The following LRP1B variants were observed in gnomAD, a reference collection of about 807,000 sequenced individuals.
LRP1B encodes the protein LDL receptor related protein 1B, also known as low-density lipoprotein receptor-related protein 1B.
A neutral mutation model predicts 556.6 loss-of-function variants in LRP1B; 217 were observed. The ratio of observed to expected loss-of-function variants is 0.39; its 90% CI spans 0.35 to 0.44. LRP1B has a LOEUF of 0.44. Among genes scored for constraint, LRP1B ranks in the 20% least tolerant of loss-of-function variants. The pLI is 1.00. For missense variants in LRP1B, 5,053 were observed against 5,620.8 expected (o/e 0.90, Z 3.23); for synonymous variants, 2,047 against 1,865.8 (o/e 1.10, Z -2.50).
chr2:141,829,112 A>T (rs1452468268), intron 1 of LRP1B, among the ~76,000 whole-genome samples: 1 of 152,072 alleles, frequency 6.6e-6, no homozygotes, highest in Non-Finnish European at 1.5e-5. Context: ...TATTTATATT[A>T]TTACTAAAAT....
intron 66 of LRP1B, among the ~76,000 whole-genome samples, chr2:140,435,613 T>C (rs1273241999): frequency 6.6e-6 from 1 of 152,108 alleles, no homozygotes; most frequent in Non-Finnish European, 1.5e-5. Context: ...GTAGGCTCCT[T>C]TTTAGCTTTG....
At chr2:141,590,276 T>C (rs757956958) in intron 2 of LRP1B, among the ~76,000 whole-genome samples, 3 of 152,170 alleles carry the variant, frequency 2.0e-5, no homozygotes, top group Non-Finnish European at 2.9e-5. Context: ...ATGAACTAAA[T>C]TGTGTTTGCC....
chr2:141,829,187 C>T lies in LRP1B; in HGVS notation c.83-18786G>A, dbSNP rs1697031800. ...ATTTCTAGTCTCTGAGTTAACAAGACAGTTTGAACACTTCTGTGTTTCCAC... is the reference window on the plus strand; with the variant it reads ...ATTTCTAGTCTCTGAGTTAACAAGATAGTTTGAACACTTCTGTGTTTCCAC... On this transcript the variant is annotated intron_variant, in intron 1 of 90. Transcript: ENST00000389484. Among the ~76,000 whole-genome samples, 3 of 152,180 alleles carry T rather than the reference C, an allele frequency of 2.0e-5. No individual in the cohort carries two copies. The South Asian group carries it at 6.2e-4, about 32-fold the overall frequency.
chr2:140,890,449 T>G (rs1244299616), intron 23 of LRP1B, among the ~76,000 whole-genome samples: 1 of 152,168 alleles, frequency 6.6e-6, no homozygotes, highest in Non-Finnish European at 1.5e-5. Context: ...ACAATGACCT[T>G]TACATTGAGT....
chr2:141,180,465 G>T (rs1339743259), intron 7 of LRP1B, among the ~76,000 whole-genome samples: 14 of 151,844 alleles, frequency 9.2e-5, no homozygotes, highest in Admixed American at 8.6e-4. Context: ...AAGTAAGAAA[G>T]CTTTCAAGGT....
chr2:142,020,803 G>C (rs1294377571), intron 1 of LRP1B, among the ~76,000 whole-genome samples: 1 of 152,178 alleles, frequency 6.6e-6, no homozygotes, highest in Non-Finnish European at 1.5e-5. Context: ...TCAAGATCAA[G>C]GGTGGTCATA....
At chr2:140,300,948 T>C (rs2105007075) in intron 83 of LRP1B, among the ~76,000 whole-genome samples, 1 of 152,228 alleles carries the variant, frequency 6.6e-6, no homozygotes, top group South Asian at 2.1e-4. Context: ...TAGGACTTAT[T>C]CTGTGGTTAT....
rs533764320 is a variant in LRP1B, at chr2:140,527,868, G to A, written c.7763-1518C>T. Among the ~76,000 whole-genome samples the A allele has an allele frequency of 3.3e-5, 5 of 151,860 alleles. 1 individual carries two copies. The highest frequency in any genetic ancestry group is 4.2e-4 in the South Asian group (2 of 4,810). On this transcript the variant is annotated intron_variant, in intron 47 of 90. Coordinates refer to ENST00000389484, the MANE Select transcript of LRP1B (RefSeq NM_018557.3). ...AGTAGTTTCTTACTAACTTTGTTCC[G>A]AAAGATTGCTTATAATCTCTTTTTA... is the stretch of plus-strand genomic sequence containing the variant.
intron 25 of LRP1B, among the ~76,000 whole-genome samples, chr2:140,883,537 T>C (rs183034416): frequency 1.7e-3 from 258 of 149,526 alleles, no homozygotes; most frequent in Middle Eastern, 3.5e-3. Context: ...TAGCTTCCAA[T>C]AGGGCCTAAT....
At chr2:140,528,667 T>C (rs1690546595) in intron 47 of LRP1B, among the ~76,000 whole-genome samples, 1 of 151,758 alleles carries the variant, frequency 6.6e-6, no homozygotes, top group Non-Finnish European at 1.5e-5. Flanking sequence ...ACCAGAGAGT[T>C]AGACAGGGTG....
chr2:141,049,162 A>G lies in LRP1B; in HGVS notation c.1613T>C (p.Met538Thr), dbSNP rs2105446122. ...GKGRPGIVRG[M>T]DLNTKIADEY... ...ATCAGCTATCTTGGTATTCAAGTCC[A>G]TTCCTCTAACAATTCCTGGGCGTCC... The change falls in exon 11 of 91, where the codon ATG becomes ACG. Residue 538 changes from methionine (M) to threonine (T), a missense_variant. Physicochemically the swap from Met to Thr is moderately conservative, Grantham distance 81. This residue lies in a region of LRP1B where 3,619 missense variants were observed against 3,931.9 expected (regional missense o/e 0.92). Coordinates refer to ENST00000389484, the MANE Select transcript of LRP1B (RefSeq NM_018557.3). The G allele has an allele frequency of 1.2e-6, 2 of 1,613,604 alleles. No homozygotes were observed. The highest frequency in any genetic ancestry group is 1.7e-6 in the Non-Finnish European group (2 of 1,179,708).
Position 140,444,663 on chromosome 2 carries a change from C to A in LRP1B, c.10074G>T (p.Gln3358His). ...EPDDCPEFRCQPGRFQCGTGL... is the reference protein window; with the variant it reads ...EPDDCPEFRCHPGRFQCGTGL... ...CAGTCCCACACTGAAATCGGCCTGG[C>A]TGACATCTAAATTCAGCTAGGGGAG... is the stretch of plus-strand genomic sequence containing the variant. The change falls in exon 64 of 91, where the codon CAG (glutamine) becomes CAT (histidine). Residue 3358 changes from glutamine (Q) to histidine (H), a missense_variant. Physicochemically the swap from Gln to His is conservative, Grantham distance 24 (BLOSUM62 0). Around this residue, in one of 5 missense-constraint regions of LRP1B, gnomAD observed 262 missense variants for 395.1 expected, o/e 0.66. Transcript: ENST00000389484. 1 of 1,612,798 alleles carries A rather than the reference C, an allele frequency of 6.2e-7. No homozygotes were observed. Among genetic ancestry groups the A allele is most frequent in the Non-Finnish European group, 8.5e-7 (1 of 1,178,958 alleles).
intron 7 of LRP1B, among the ~76,000 whole-genome samples, chr2:141,136,028 TAA>T (rs1388177162): frequency 4.0e-5 from 6 of 151,890 alleles, no homozygotes; most frequent in Admixed American, 3.9e-4. Flanking sequence ...TGGACTATAT[TAA>T]TTGTTACTGA....
chr2:140,430,706 GTCT>G (rs1685893465), intron 66 of LRP1B, among the ~76,000 whole-genome samples: 1 of 152,132 alleles, frequency 6.6e-6, no homozygotes. Flanking sequence ...ATTCTATTCT[GTCT>G]TCATTTCATA....
chr2:141,307,042 T>A (rs1292847623), intron 3 of LRP1B, among the ~76,000 whole-genome samples: 1 of 152,188 alleles, frequency 6.6e-6, no homozygotes, highest in Non-Finnish European at 1.5e-5. Context: ...ATCTGGAGAA[T>A]GTTCCACATG....
intron 3 of LRP1B, among the ~76,000 whole-genome samples, chr2:141,380,124 C>T (rs1689581595): frequency 6.6e-6 from 1 of 151,906 alleles, no homozygotes; most frequent in Non-Finnish European, 1.5e-5. Context: ...TGTTGAGATC[C>T]AGCACTCACT....
At chr2:140,583,378 G>A (rs976575143) in intron 43 of LRP1B, among the ~76,000 whole-genome samples, 2 of 151,588 alleles carry the variant, frequency 1.3e-5, no homozygotes, top group African/African-American at 2.4e-5. Flanking sequence ...GTTTCACCAC[G>A]CTGGCCAGGC....
intron 2 of LRP1B, among the ~76,000 whole-genome samples, chr2:141,549,962 T>G (rs34185323): frequency 0.33 from 50,324 of 152,104 alleles, 9,544 homozygotes; most frequent in Non-Finnish European, 0.43. Flanking sequence ...GCCACTGCGC[T>G]CCAGACTGGG....
At chr2:141,604,345 T>C (rs766036387) in intron 2 of LRP1B, among the ~76,000 whole-genome samples, 12 of 152,156 alleles carry the variant, frequency 7.9e-5, no homozygotes, top group Non-Finnish European at 1.3e-4. Flanking sequence ...GCAAGCTCTG[T>C]GTACAGAGGA....
Sources: gnomAD v4.1 joint callset for allele counts (sites outside exome capture counted in the v4.1 genomes callset) on GRCh38, gnomAD v4.1.1 for gene constraint, gnomAD v4.1.1 regional missense constraint, MANE v1.5 for transcripts, NCBI Gene and HGNC (gene_info 2026-07-23, HGNC 2026-07-21) for gene names.